Variants in WIPF1 observed in about 807,000 individuals in gnomAD.
WIPF1 encodes the protein WAS/WASL interacting protein family member 1.
Under a neutral mutation model 35.4 loss-of-function variants are expected in WIPF1, and 13 were observed. The ratio of observed to expected loss-of-function variants is 0.37; its 90% CI spans 0.24 to 0.58. The LOEUF (loss-of-function observed/expected upper bound fraction) is 0.58. Ranked by LOEUF, WIPF1 falls within the 20% of genes least tolerant of loss-of-function variation. WIPF1 has a pLI of 0.74. For synonymous variants in WIPF1, 267 were observed against 266.3 expected, an observed-to-expected ratio of 1.00 and a Z score of -0.02; for missense variants, 591 against 667.0, an observed-to-expected ratio of 0.89 and a Z score of 1.25.
chr2:174,602,085 CT>C (rs1291806352), upstream of WIPF1, among the ~76,000 whole-genome samples: 1 of 152,158 alleles, frequency 6.6e-6, no homozygotes, highest in African/African-American at 2.4e-5. Flanking sequence ...CAATTCTGGA[CT>C]TAAAGAGAAT....
At chr2:174,616,988 T>A (rs1024731188) in intron 1 of WIPF1, among the ~76,000 whole-genome samples, 12 of 152,196 alleles carry the variant, frequency 7.9e-5, no homozygotes, top group African/African-American at 2.2e-4. Context: ...TCATTTTTTT[T>A]AATAGGAAGA....
At chr2:174,579,081 G>A (rs1385283654) in intron 3 of WIPF1, among the ~76,000 whole-genome samples, 1 of 152,170 alleles carries the variant, frequency 6.6e-6, no homozygotes, top group Admixed American at 6.5e-5. Flanking sequence ...ACAATGGCAC[G>A]ATCTTGGCTC....
At chr2:174,635,012 G>T (rs557696552) in intron 1 of WIPF1, among the ~76,000 whole-genome samples, 1 of 152,242 alleles carries the variant, frequency 6.6e-6, no homozygotes, top group East Asian at 1.9e-4. Flanking sequence ...CGACAGTGCT[G>T]CACCCAGGAT....
At chr2:174,669,394 A>G (rs976476608) in intron 1 of WIPF1, among the ~76,000 whole-genome samples, 1 of 152,230 alleles carries the variant, frequency 6.6e-6, no homozygotes, top group African/African-American at 2.4e-5. Context: ...TAGTTAATAA[A>G]CCATTAAAAC....
chr2:174,565,175 G>A (rs1347790224), intron 7 of WIPF1, among the ~76,000 whole-genome samples: 7 of 152,058 alleles, frequency 4.6e-5, no homozygotes, highest in Admixed American at 1.3e-4. Context: ...GATTACAGGC[G>A]TGAGCCACCG....
At position 174,566,843 on chromosome 2, in the gene WIPF1, C is replaced by T. The variant is rs112078896; in HGVS notation, c.1456+227G>A. Reference sequence around the variant, plus strand: ...AATAAAATTTAATACTAGCAAACCACGGTATTTTGAGCTTGTAATGACACA... The same window carrying T: ...AATAAAATTTAATACTAGCAAACCATGGTATTTTGAGCTTGTAATGACACA... On this transcript the variant is annotated intron_variant, in intron 7 of 7. Coordinates refer to ENST00000679041, the MANE Select transcript of WIPF1 (RefSeq NM_001375834.1). 43 of 452,858 alleles carry T rather than the reference C, an allele frequency of 9.5e-5. 4 individuals carry two copies. Among genetic ancestry groups the T allele is most frequent in the African/African-American group, 5.6e-4 (28 of 50,178 alleles). The allele number at this position is 452,858 out of a possible 1,614,324, so 28.1% of individuals were successfully genotyped here.
Position 174,562,493 on chromosome 2 carries a change from TTAGA to T in WIPF1, c.*50_*53del, listed in dbSNP as rs1317128435. 10 of 1,613,236 alleles carry T rather than the reference TTAGA, an allele frequency of 6.2e-6. No homozygotes were observed. In the African/African-American group the frequency reaches 6.7e-5, roughly 11 times the overall value. ...AAGCAGGGAGGAGGGTATGCAGTTC[TTAGA>T]TAGCAACAGAAGCAGCTCTTGAGCT... On this transcript the variant is annotated 3_prime_UTR_variant, in exon 8 of 8. Transcript: ENST00000679041.
rs12616251 is a variant in WIPF1, at chr2:174,655,608, G to C, written c.-39+27166C>G. The C allele has an allele frequency of 2.6e-5, 4 of 152,212 alleles. No individual in the cohort carries two copies. In the East Asian group the frequency reaches 7.7e-4, roughly 29 times the overall value. 9.4% of individuals were successfully genotyped at this position (152,212 alleles called of 1,614,324 possible). A position where few individuals can be genotyped will look rare whatever the true frequency, so the allele number is the denominator to read the frequency against. ...ATGTTTTTCTGGTCTCTTGGCCTAG[G>C]AGCATGTTGTTCTTCTGCCAGCAAC... On this transcript the variant is annotated intron_variant, in intron 1 of 8. Coordinates refer to the WIPF1 transcript ENST00000272746.
intron 1 of WIPF1, among the ~76,000 whole-genome samples, chr2:174,652,900 G>T (rs1687564384): frequency 6.6e-6 from 1 of 151,770 alleles, no homozygotes; most frequent in Admixed American, 6.6e-5. Flanking sequence ...TAGATTTATG[G>T]TTTTTTGCCC....
At chr2:174,633,806 G>C (rs1687102849) in intron 1 of WIPF1, among the ~76,000 whole-genome samples, 1 of 152,082 alleles carries the variant, frequency 6.6e-6, no homozygotes, top group African/African-American at 2.4e-5. Flanking sequence ...GCCTCTTCAC[G>C]GCCTGCTGGG....
At chr2:174,667,932 A>C (rs909402769) in intron 1 of WIPF1, among the ~76,000 whole-genome samples, 2 of 152,182 alleles carry the variant, frequency 1.3e-5, no homozygotes, top group African/African-American at 4.8e-5. Context: ...TTACTGGAGA[A>C]AGGTATCTGC....
At chr2:174,608,615 T>C (rs1194873921) in intron 1 of WIPF1, among the ~76,000 whole-genome samples, 1 of 152,106 alleles carries the variant, frequency 6.6e-6, no homozygotes, top group Non-Finnish European at 1.5e-5. Context: ...CCCATGTGAA[T>C]GATAGAAAGA....
At chr2:174,639,222 A>G (rs950134310) in intron 1 of WIPF1, among the ~76,000 whole-genome samples, 6 of 152,124 alleles carry the variant, frequency 3.9e-5, no homozygotes, top group African/African-American at 1.4e-4. Flanking sequence ...GGACATTTGT[A>G]TGTCTTCTTT....
chr2:174,626,314 A>G (rs1000804934), intron 1 of WIPF1, among the ~76,000 whole-genome samples: 2 of 152,164 alleles, frequency 1.3e-5, no homozygotes, highest in African/African-American at 4.8e-5. Context: ...CCAGAAATCA[A>G]ACCAGTGAAC....
At chr2:174,665,089 T>C (rs543252829) in intron 1 of WIPF1, 1 of 152,334 alleles carries the variant, frequency 6.6e-6, no homozygotes, top group East Asian at 1.9e-4. Context: ...TACAGATTTA[T>C]TGAATACTTA....
At chr2:174,654,440 C>T (rs1450505198) in intron 1 of WIPF1, among the ~76,000 whole-genome samples, 1 of 151,988 alleles carries the variant, frequency 6.6e-6, no homozygotes, top group East Asian at 1.9e-4. Flanking sequence ...GTCTGAAGGC[C>T]CCCTTTCTAT....
intron 1 of WIPF1, among the ~76,000 whole-genome samples, chr2:174,589,680 T>C (rs1685544844): frequency 6.6e-6 from 1 of 152,234 alleles, no homozygotes; most frequent in Non-Finnish European, 1.5e-5. Context: ...AAATGTAGCA[T>C]TTCCTTTGAT....
chr2:174,592,246 G>T (rs1685637962), intron 1 of WIPF1, among the ~76,000 whole-genome samples: 1 of 152,188 alleles, frequency 6.6e-6, no homozygotes, highest in African/African-American at 2.4e-5. Context: ...ATAGTCCCCA[G>T]TGAACACAGT....
chr2:174,620,697 G>GTTGC (rs1686646837), intron 1 of WIPF1, among the ~76,000 whole-genome samples: 1 of 152,200 alleles, frequency 6.6e-6, no homozygotes, highest in Non-Finnish European at 1.5e-5. Context: ...GGTAAGAAAA[G>GTTGC]AGGGATTCAT....
Sources: gnomAD v4.1 joint callset for allele counts (sites outside exome capture counted in the v4.1 genomes callset) on GRCh38, gnomAD v4.1.1 for gene constraint, MANE v1.5 for transcripts, NCBI Gene and HGNC (gene_info 2026-07-23, HGNC 2026-07-21) for gene names.